UCP3: variants seen among roughly 807,000 people sequenced by gnomAD.
UCP3 encodes uncoupling protein 3.
In UCP3, 24 loss-of-function variants were observed where a neutral mutation model predicts 28.1. The ratio of observed to expected loss-of-function variants is 0.85; its 90% CI spans 0.62 to 1.20. The LOEUF is 1.20. Ranked by LOEUF, UCP3 falls within the 50% of genes most tolerant of loss-of-function variation. The pLI is 0.00. For missense variants in UCP3, 397 were observed against 422.2 expected (o/e 0.94, Z 0.52); for synonymous variants, 184 against 171.2 (o/e 1.07, Z -0.59).
intron 4 of UCP3, 152 bp downstream of exon 4, chr11:74,005,578 G>T (rs1194346985): frequency 1.1e-6 from 1 of 906,238 alleles, no homozygotes; most frequent in Non-Finnish European, 1.7e-6. Context: ...AGGGGCTGTG[G>T]CAGGTCAGTG....
chr11:74,006,013 C>A, intron 3 of UCP3, 80 bp from the exon 4 acceptor site: 1 of 1,574,122 alleles, frequency 6.4e-7, no homozygotes. Context: ...GGGGCTGCCC[C>A]TGCAGCTTCC....
chr11:74,001,675 C>CT (rs35517703), intron 6 of UCP3, 149 bp from the exon 7 acceptor site: 65,046 of 594,320 alleles, frequency 0.11, 3,400 homozygotes, highest in African/African-American at 0.33. Context: ...CTCTCTCTCT[C>CT]TTTTTTTTTT....
chr11:74,003,934 G>A lies in UCP3; in HGVS notation c.717C>T (p.Asp239=), dbSNP rs777058329. The A allele has an allele frequency of 1.2e-5, 20 of 1,614,138 alleles. No homozygotes were observed. Among genetic ancestry groups the A allele is most frequent in the South Asian group, 4.4e-5 (4 of 91,082 alleles). ...AGTTCATATACCGGGTCTTCACCAC[G>A]TCCACCGGGGAGGCCACCACTGTGG... The part of the protein sequence containing the change: ...FCATVVASPV[D]VVKTRYMNSP... Residue 239 remains aspartate, a synonymous_variant, in exon 6 of 7, where the codon GAC becomes GAT. Transcript: ENST00000314032.
chr11:74,002,084 T>C (rs2632723), intron 6 of UCP3: 29,566 of 156,686 alleles, frequency 0.19, 2,995 homozygotes, highest in Admixed American at 0.28. Context: ...ACCTCAGCTG[T>C]GGCTCACCAA....
At chr11:74,007,306 T>C in intron 1 of UCP3, 169 bp from the exon 2 acceptor site, 1 of 485,436 alleles carries the variant, frequency 2.1e-6, no homozygotes, top group Non-Finnish European at 3.8e-6. Context: ...CCCTTGAATT[T>C]TGCAATCCTC....
chr11:74,001,555 G>T (rs1292567158), intron 6 of UCP3, 29 bp from the exon 7 acceptor site: 2 of 1,606,666 alleles, frequency 1.2e-6, no homozygotes, highest in Non-Finnish European at 1.7e-6. Context: ...AACACATCAG[G>T]TGGAGTGCTA....
In UCP3 at chr11:74,001,308, G is replaced by A. The variant is rs45480799; in HGVS notation, c.*104C>T. 405 of 1,074,248 alleles carry A rather than the reference G, an allele frequency of 3.8e-4. 1 individual carries two copies. In the African/African-American group the frequency reaches 5.9e-3, roughly 16 times the overall value. 66.5% of individuals were successfully genotyped at this position (1,074,248 alleles called of 1,614,324 possible). ...TCAGCAACAAGTAAACAACAGTTCT[G>A]TAAACATGTGTGGGTCTGTGTCCAT... On this transcript the variant is annotated 3_prime_UTR_variant, in exon 7 of 7. Coordinates refer to ENST00000314032, the MANE Select transcript of UCP3 (RefSeq NM_003356.4).
chr11:74,007,900 CT>C (rs1951679308), intron 1 of UCP3, among the ~76,000 whole-genome samples: 1 of 152,150 alleles, frequency 6.6e-6, no homozygotes, highest in Non-Finnish European at 1.5e-5. Flanking sequence ...AGCCGGCAGC[CT>C]TTTGCCACTG....
intron 2 of UCP3, 69 bp downstream of exon 2, chr11:74,006,848 T>C (rs1951670793): frequency 3.1e-6 from 5 of 1,611,648 alleles, no homozygotes; most frequent in Admixed American, 1.7e-5. Context: ...GCACACGTCA[T>C]GGGGGATATG....
intron 1 of UCP3, among the ~76,000 whole-genome samples, chr11:74,007,575 G>T (rs1951676690): frequency 1.3e-5 from 2 of 152,168 alleles, no homozygotes; most frequent in Admixed American, 1.3e-4. Flanking sequence ...GGGACTACAG[G>T]TGTGCATCAC....
At chr11:74,006,872 C>A (rs779123450) in intron 2 of UCP3, 45 bp downstream of exon 2, 7 of 1,613,872 alleles carry the variant, frequency 4.3e-6, no homozygotes, top group Non-Finnish European at 5.1e-6. Context: ...GAGAACTAGC[C>A]CCTCCTTCCA....
intron 1 of UCP3, among the ~76,000 whole-genome samples, chr11:74,007,456 G>T (rs1232670435): frequency 1.3e-5 from 2 of 151,374 alleles, no homozygotes; most frequent in East Asian, 3.9e-4. Flanking sequence ...TTTGAGACAG[G>T]GTCTCACTCT....
chr11:74,001,739 C>T lies in UCP3; in HGVS notation c.825-213G>A, dbSNP rs561891525. 1.0e-3 allele frequency: 559 copies of T among 547,114 alleles called. 1 individual carries two copies. The highest frequency in any genetic ancestry group is 1.7e-3 in the Non-Finnish European group (528 of 306,058). The allele number at this position is 547,114 out of a possible 1,614,324, so 33.9% of individuals were successfully genotyped here. A position where few individuals can be genotyped will look rare whatever the true frequency, so the allele number is the denominator to read the frequency against. On this transcript the variant is annotated intron_variant, in intron 6 of 6. Transcript: ENST00000314032. Reference sequence around the variant, plus strand: ...AGTAAGGAAAAGAAAAAAAAACTCACGTTTTGAGACGGGTTACTGTGTTAG... The same window carrying T: ...AGTAAGGAAAAGAAAAAAAAACTCATGTTTTGAGACGGGTTACTGTGTTAG...
At chr11:74,003,692 T>G (rs760459721) in intron 6 of UCP3, 135 bp downstream of exon 6, 13 of 1,461,216 alleles carry the variant, frequency 8.9e-6, no homozygotes, top group Non-Finnish European at 1.2e-5. Flanking sequence ...GCATGGTTTT[T>G]TAAACTTCTT....
intron 4 of UCP3, 87 bp downstream of exon 4, chr11:74,005,643 A>G (rs937173115): frequency 7.0e-7 from 1 of 1,422,608 alleles, no homozygotes; most frequent in Non-Finnish European, 9.9e-7. Flanking sequence ...CCATGCTGGG[A>G]GTCCCCTCCT....
chr11:74,005,950 G>A lies in UCP3; in HGVS notation c.338-17C>T. 6.2e-7 allele frequency: 1 copy of A among 1,613,550 alleles called. No homozygotes were observed. Among genetic ancestry groups the A allele is most frequent in the Non-Finnish European group, 8.5e-7 (1 of 1,179,820 alleles). ...GGCTGGAGTCTGGGAGGGGCAGAGA[G>A]AGTGGGCCAGTGTCCCCTACTAAGC... On this transcript the variant is annotated splice_polypyrimidine_tract_variant and intron_variant, in intron 3 of 6. Coordinates refer to ENST00000314032, the MANE Select transcript of UCP3 (RefSeq NM_003356.4).
At chr11:74,005,586 G>A in intron 4 of UCP3, 144 bp downstream of exon 4, 4 of 966,288 alleles carry the variant, frequency 4.1e-6, no homozygotes, top group South Asian at 4.1e-5. Flanking sequence ...TGGCAGGTCA[G>A]TGAAGTATCT....
At chr11:74,007,373 C>T (rs1260141483) in intron 1 of UCP3, 3 of 352,748 alleles carry the variant, frequency 8.5e-6, no homozygotes, top group African/African-American at 6.3e-5. Flanking sequence ...ATAGTGGTAC[C>T]TGCACTGTAT....
chr11:74,007,559 G>A (rs1179007454), intron 1 of UCP3, among the ~76,000 whole-genome samples: 1 of 152,094 alleles, frequency 6.6e-6, no homozygotes, highest in Non-Finnish European at 1.5e-5. Context: ...AGCCTCCCGA[G>A]TAGCTGGGAC....
Sources: gnomAD v4.1 joint callset for allele counts (sites outside exome capture counted in the v4.1 genomes callset) on GRCh38, gnomAD v4.1.1 for gene constraint, MANE v1.5 for transcripts, NCBI Gene and HGNC (gene_info 2026-07-23, HGNC 2026-07-21) for gene names.